Variants in ARHGAP24 observed in about 807,000 individuals in gnomAD.
The protein encoded by ARHGAP24 is rho GTPase-activating protein 24.
ARHGAP24 carries 50 observed loss-of-function variants against 76.4 expected under a neutral mutation model. The observed-to-expected ratio is 0.65, with a 90% CI of 0.52 to 0.83. The LOEUF is 0.83. Ranked by LOEUF, ARHGAP24 falls within the 40% of genes least tolerant of loss-of-function variation. ARHGAP24 has a pLI of 0.00. For missense variants in ARHGAP24, 930 were observed against 914.2 expected (o/e 1.02, Z -0.22); for synonymous variants, 345 against 323.3 (o/e 1.07, Z -0.72).
chr4:85,521,083 T>G (rs1724725270), intron 1 of ARHGAP24, among the ~76,000 whole-genome samples: 1 of 151,972 alleles, frequency 6.6e-6, no homozygotes, highest in Non-Finnish European at 1.5e-5. Context: ...TTCAGCAGAG[T>G]AGCTCATGTA....
rs80275619 is a variant in ARHGAP24 at position 85,704,722 on chromosome 4, C to T, written c.181-17163C>T. Among the ~76,000 whole-genome samples the T allele has an allele frequency of 2.3e-3, 357 of 152,212 alleles. 1 individual carries two copies. The highest frequency in any genetic ancestry group is 8.2e-3 in the African/African-American group (342 of 41,554). On this transcript the variant is annotated intron_variant, in intron 2 of 9. Transcript: ENST00000395184. ...TCTTTGTTAATTACAAAGGAAACTC[C>T]GAGGACAGGTTCTACATTTCATTTT...
intron 2 of ARHGAP24, among the ~76,000 whole-genome samples, chr4:85,593,996 T>C (rs7699539): frequency 0.92 from 139,693 of 152,046 alleles, 64,219 homozygotes; most frequent in East Asian, 0.98. Context: ...AAGAATGTCA[T>C]TGGTATTTTT....
At chr4:85,491,833 G>A (rs914613600) in intron 1 of ARHGAP24, among the ~76,000 whole-genome samples, 1 of 152,184 alleles carries the variant, frequency 6.6e-6, no homozygotes, top group South Asian at 2.1e-4. Context: ...GCTGCTTCAT[G>A]TTCTGAATTC....
At chr4:85,666,555 G>T (rs1247470200) in intron 2 of ARHGAP24, among the ~76,000 whole-genome samples, 1 of 152,160 alleles carries the variant, frequency 6.6e-6, no homozygotes, top group Non-Finnish European at 1.5e-5. Flanking sequence ...CATTCCTTTG[G>T]AGGAGGAGAG....
At chr4:85,950,357 G>T (rs921721783) in intron 5 of ARHGAP24, among the ~76,000 whole-genome samples, 1 of 152,036 alleles carries the variant, frequency 6.6e-6, no homozygotes, top group Non-Finnish European at 1.5e-5. Context: ...AAAACTAGCT[G>T]CCTTTGGTGG....
intron 3 of ARHGAP24, among the ~76,000 whole-genome samples, chr4:85,803,247 C>T (rs1460834183): frequency 6.6e-6 from 1 of 152,142 alleles, no homozygotes; most frequent in African/African-American, 2.4e-5. Flanking sequence ...TGTGTGAGAA[C>T]AAAGACAGTC....
At chr4:85,899,939 C>T (rs1734401810) in intron 3 of ARHGAP24, among the ~76,000 whole-genome samples, 1 of 152,056 alleles carries the variant, frequency 6.6e-6, no homozygotes, top group Non-Finnish European at 1.5e-5. Flanking sequence ...TGTGATGAAG[C>T]TCAAATAATA....
chr4:85,514,924 A>G (rs1724432634), intron 1 of ARHGAP24, among the ~76,000 whole-genome samples: 1 of 152,114 alleles, frequency 6.6e-6, no homozygotes, highest in African/African-American at 2.4e-5. Context: ...TTTTGGCAGA[A>G]ATGATTCAAG....
At chr4:85,540,881 A>G (rs1376429740) in intron 1 of ARHGAP24, among the ~76,000 whole-genome samples, 1 of 152,148 alleles carries the variant, frequency 6.6e-6, no homozygotes, top group Non-Finnish European at 1.5e-5. Flanking sequence ...GTGTTTGTAT[A>G]GTGAACAGCC....
intron 3 of ARHGAP24, among the ~76,000 whole-genome samples, chr4:85,852,372 C>A (rs1191098530): frequency 6.6e-6 from 1 of 152,166 alleles, no homozygotes; most frequent in East Asian, 1.9e-4. Context: ...AGGTTTTTAG[C>A]TTCCTTGCGG....
intron 3 of ARHGAP24, among the ~76,000 whole-genome samples, chr4:85,870,937 C>T (rs753853757): frequency 1.6e-4 from 24 of 152,124 alleles, no homozygotes; most frequent in Non-Finnish European, 3.5e-4. Flanking sequence ...AATATTACCT[C>T]TGAATGGTAC....
At chr4:85,731,119 A>G (rs1725389062) in intron 3 of ARHGAP24, among the ~76,000 whole-genome samples, 2 of 151,848 alleles carry the variant, frequency 1.3e-5, no homozygotes, top group Non-Finnish European at 2.9e-5. Flanking sequence ...CACATTTTTA[A>G]TAAGTGGTAA....
chr4:85,974,688 T>C lies in ARHGAP24; in HGVS notation c.733-200T>C, dbSNP rs538229838. On this transcript the variant is annotated intron_variant, in intron 6 of 9. Transcript: ENST00000395184. ...TCTGTTTCTCCACAAATAGTACTTA[T>C]GGAGATATTTTAAATCCTTGTACAT... Among the ~76,000 whole-genome samples, 3 of 152,360 alleles carry C rather than the reference T, an allele frequency of 2.0e-5. No individual in the cohort carries two copies. In the East Asian group the frequency reaches 5.8e-4, roughly 29 times the overall value.
chr4:85,663,303 G>T (rs1472319294), intron 2 of ARHGAP24, among the ~76,000 whole-genome samples: 1 of 130,454 alleles, frequency 7.7e-6, no homozygotes, highest in Non-Finnish European at 1.7e-5. Flanking sequence ...GTTCACTCAT[G>T]ATTTGGCTCT....
chr4:85,830,539 T>G (rs1391809021), intron 3 of ARHGAP24, among the ~76,000 whole-genome samples: 2 of 152,218 alleles, frequency 1.3e-5, no homozygotes, highest in African/African-American at 4.8e-5. Flanking sequence ...GACTTTTAGC[T>G]TATGGGATTG....
At chr4:85,607,250 G>A (rs551419949) in intron 2 of ARHGAP24, among the ~76,000 whole-genome samples, 136 of 152,140 alleles carry the variant, frequency 8.9e-4, no homozygotes, top group African/African-American at 3.1e-3. Flanking sequence ...ATCAACATTC[G>A]CTATAGAGAG....
intron 2 of ARHGAP24, among the ~76,000 whole-genome samples, chr4:85,675,528 C>T (rs76968728): frequency 0.024 from 3,721 of 152,172 alleles, 159 homozygotes; most frequent in African/African-American, 0.083. Context: ...CACTGGATTG[C>T]GGGGTAACAA....
chr4:85,890,624 G>A (rs947732973), intron 3 of ARHGAP24, among the ~76,000 whole-genome samples: 37 of 152,116 alleles, frequency 2.4e-4, no homozygotes, highest in African/African-American at 8.0e-4. Context: ...AGGAGGGAAC[G>A]TGGAAGTAAA....
intron 3 of ARHGAP24, among the ~76,000 whole-genome samples, chr4:85,879,912 C>T (rs992360663): frequency 6.6e-5 from 10 of 151,912 alleles, no homozygotes; most frequent in Non-Finnish European, 1.0e-4. Flanking sequence ...TCATAAGGAG[C>T]AGGCAACCTG....
Sources: allele counts gnomAD v4.1 joint callset (sites outside exome capture counted in the v4.1 genomes callset), GRCh38; gene constraint gnomAD v4.1.1; transcripts MANE v1.5; gene names NCBI Gene and HGNC (gene_info 2026-07-23, HGNC 2026-07-21).